SPAG16: variants seen among roughly 807,000 people sequenced by gnomAD.
SPAG16 encodes sperm associated antigen 16.
Under a neutral mutation model 80.4 loss-of-function variants are expected in SPAG16, and 86 were observed. The ratio of observed to expected loss-of-function variants is 1.07; its 90% CI spans 0.90 to 1.28. The LOEUF (loss-of-function observed/expected upper bound fraction) is 1.28, where lower values mean the gene tolerates loss of function less well. Ranked by LOEUF, SPAG16 falls within the 50% of genes most tolerant of loss-of-function variation. SPAG16 has a pLI of 0.00. For missense variants in SPAG16, 870 were observed against 765.3 expected (o/e 1.14, Z -1.61); for synonymous variants, 294 against 265.9 (o/e 1.11, Z -1.03).
chr2:213,373,553 A>G (rs1196161862), intron 8 of SPAG16, among the ~76,000 whole-genome samples: 2 of 152,106 alleles, frequency 1.3e-5, no homozygotes, highest in Non-Finnish European at 2.9e-5. Flanking sequence ...AATTACTACC[A>G]TATTTGTTTG....
chr2:213,959,157 G>A (rs2044292108), intron 12 of SPAG16, among the ~76,000 whole-genome samples: 1 of 152,146 alleles, frequency 6.6e-6, no homozygotes, highest in Admixed American at 6.5e-5. Context: ...CATGAAACAA[G>A]TTGCTTATTT....
chr2:213,340,299 T>G, intron 6 of SPAG16, 29 bp downstream of exon 6: 1 of 1,409,790 alleles, frequency 7.1e-7, no homozygotes. Flanking sequence ...GCATATTTAT[T>G]AAAGAGTTAT....
At chr2:213,870,386 TTTATGTA>T (rs2075900896) in intron 11 of SPAG16, among the ~76,000 whole-genome samples, 1 of 152,162 alleles carries the variant, frequency 6.6e-6, no homozygotes, top group Non-Finnish European at 1.5e-5. Context: ...ATCCTCTGAA[TTTATGTA>T]TTATGTATTA....
Position 214,395,018 on chromosome 2 carries a change from C to G in SPAG16, c.1721-15122C>G, listed in dbSNP as rs374446173. Among the ~76,000 whole-genome samples, 13 of 152,292 alleles carry G rather than the reference C, an allele frequency of 8.5e-5. No individual in the cohort carries two copies. The East Asian group carries it at 2.1e-3, about 25-fold the overall frequency. ...TTAGTAGTATGCATTTATGTTTCCTCCATGCCTTTTCATGGCTTGTTAGCT... is the reference window on the plus strand; with the variant it reads ...TTAGTAGTATGCATTTATGTTTCCTGCATGCCTTTTCATGGCTTGTTAGCT... On this transcript the variant is annotated intron_variant, in intron 15 of 15. Transcript: ENST00000331683.
chr2:213,541,649 G>C (rs2076450356), intron 10 of SPAG16, among the ~76,000 whole-genome samples: 1 of 152,074 alleles, frequency 6.6e-6, no homozygotes, highest in African/African-American at 2.4e-5. Context: ...TTGAAGATTG[G>C]AGGAGGTTTT....
intron 10 of SPAG16, among the ~76,000 whole-genome samples, chr2:213,736,071 C>T (rs937008301): frequency 6.6e-6 from 1 of 151,888 alleles, no homozygotes; most frequent in African/African-American, 2.4e-5. Context: ...AATTTAAAAC[C>T]CATTTGTTTC....
chr2:213,444,852 A>G (rs1026575292), intron 9 of SPAG16, among the ~76,000 whole-genome samples: 1 of 152,202 alleles, frequency 6.6e-6, no homozygotes, highest in Non-Finnish European at 1.5e-5. Context: ...CTACAACACT[A>G]TAGTAACCCA....
rs2058709389 is a variant in SPAG16, at chr2:214,226,857, A to G, written c.1720+77591A>G. On this transcript the variant is annotated intron_variant, in intron 15 of 15. Transcript: ENST00000331683. Reference sequence around the variant, plus strand: ...TTGTACTTGATTTCTTCAAGTTTCAATAATCAGATCTTTGAAAATTTCACC... The same window carrying G: ...TTGTACTTGATTTCTTCAAGTTTCAGTAATCAGATCTTTGAAAATTTCACC... 2.6e-5 allele frequency among the ~76,000 whole-genome samples: 4 copies of G among 152,208 alleles called. No homozygotes were observed. In the South Asian group the frequency reaches 8.3e-4, roughly 32 times the overall value.
intron 11 of SPAG16, among the ~76,000 whole-genome samples, chr2:213,921,913 T>C (rs1116359): frequency 0.59 from 88,987 of 152,104 alleles, 27,847 homozygotes; most frequent in South Asian, 0.84. Context: ...ATGGGATTCC[T>C]TTTGTATGTG....
intron 10 of SPAG16, among the ~76,000 whole-genome samples, chr2:213,542,456 G>T (rs898973769): frequency 2.6e-5 from 4 of 152,098 alleles, no homozygotes; most frequent in Non-Finnish European, 5.9e-5. Context: ...ATGTATTGCT[G>T]CTGTTTTTAT....
intron 9 of SPAG16, among the ~76,000 whole-genome samples, chr2:213,455,542 G>A (rs1813393): frequency 0.033 from 4,995 of 152,232 alleles, 131 homozygotes; most frequent in African/African-American, 0.059. Flanking sequence ...GCAGTCCCCA[G>A]ACTTTTCGGC....
chr2:214,012,135 C>T (rs116003052), intron 12 of SPAG16, among the ~76,000 whole-genome samples: 1 of 150,578 alleles, frequency 6.6e-6, no homozygotes, highest in Non-Finnish European at 1.5e-5. Context: ...CAGAGTTTTG[C>T]CCACTACACT....
intron 15 of SPAG16, among the ~76,000 whole-genome samples, chr2:214,329,109 G>A (rs1198697622): frequency 6.6e-6 from 1 of 152,130 alleles, no homozygotes; most frequent in Non-Finnish European, 1.5e-5. Flanking sequence ...AAACAAAGGC[G>A]GTTTCTCATT....
At chr2:214,133,384 G>A (rs1357184986) in intron 14 of SPAG16, among the ~76,000 whole-genome samples, 1 of 152,110 alleles carries the variant, frequency 6.6e-6, no homozygotes, top group Non-Finnish European at 1.5e-5. Context: ...GGCCTTCCAA[G>A]GCTGGGTGTG....
chr2:214,148,890 A>C (rs1455067380), intron 14 of SPAG16, among the ~76,000 whole-genome samples: 1 of 151,838 alleles, frequency 6.6e-6, no homozygotes, highest in Non-Finnish European at 1.5e-5. Context: ...GTAGGATTTT[A>C]TATATTAAGA....
intron 15 of SPAG16, among the ~76,000 whole-genome samples, chr2:214,258,471 G>GTGTGTGTGTGTATATATATATATATATA (rs1553539128): frequency 1.3e-3 from 184 of 141,396 alleles, no homozygotes; most frequent in Non-Finnish European, 1.9e-3. Flanking sequence ...ATGTGTGTGT[G>GTGTGTGTGTGTATATATATATATATATA]TATATATATA....
chr2:213,767,655 T>TCACACACACACACACA lies in SPAG16; in HGVS notation c.1071-94821_1071-94806dup, dbSNP rs3220937. On this transcript the variant is annotated intron_variant, in intron 10 of 15. Transcript: ENST00000331683. ...TGAAAAAAAAAGAGAACAACATACT[T>TCACACACACACACACA]CACACACACACACACACACACACAA... Among the ~76,000 whole-genome samples the TCACACACACACACACA allele has an allele frequency of 5.0e-3, 734 of 147,766 alleles. 4 individuals carry two copies. The highest frequency in any genetic ancestry group is 8.7e-3 in the Non-Finnish European group (586 of 67,008).
Position 213,310,374 on chromosome 2 carries a change from A to G in SPAG16, c.398+197A>G, listed in dbSNP as rs560839878. Among the ~76,000 whole-genome samples the G allele has an allele frequency of 1.2e-3, 167 of 140,202 alleles. 2 individuals are homozygous for G. The highest frequency in any genetic ancestry group is 4.0e-3 in the African/African-American group (149 of 37,482). The allele number at this position is 140,202 out of a possible 152,430, so 92.0% of individuals were successfully genotyped here. Reference sequence around the variant, plus strand: ...CACACACACACACACACACACACACAAATCAGAATAGCAGTTACAAAGACA... The same window carrying G: ...CACACACACACACACACACACACACGAATCAGAATAGCAGTTACAAAGACA... On this transcript the variant is annotated intron_variant, in intron 4 of 15. Coordinates refer to ENST00000331683, the MANE Select transcript of SPAG16 (RefSeq NM_024532.5).
chr2:214,127,149 T>C (rs376385584), intron 14 of SPAG16, among the ~76,000 whole-genome samples: 22 of 151,922 alleles, frequency 1.4e-4, no homozygotes, highest in African/African-American at 4.8e-4. Flanking sequence ...AGTGCTTCTC[T>C]AATTGTCAAT....
Sources: allele counts gnomAD v4.1 joint callset (sites outside exome capture counted in the v4.1 genomes callset), GRCh38; gene constraint gnomAD v4.1.1; transcripts MANE v1.5; gene names NCBI Gene and HGNC (gene_info 2026-07-23, HGNC 2026-07-21).